OPCML: variants seen among roughly 807,000 people sequenced by gnomAD.
OPCML encodes the protein opioid-binding protein/cell adhesion molecule.
In OPCML, 13 loss-of-function variants were observed where a neutral mutation model predicts 37.8. That is an observed-to-expected ratio of 0.34 (90% CI 0.22 to 0.55). The LOEUF is 0.55. Among genes scored for constraint, OPCML ranks in the 20% least tolerant of loss-of-function variants. The pLI is 0.91. For synonymous variants in OPCML, 176 were observed against 168.8 expected (o/e 1.04, Z -0.33); for missense variants, 341 against 435.6 (o/e 0.78, Z 1.93).
intron 3 of OPCML, among the ~76,000 whole-genome samples, chr11:132,530,774 T>C (rs1591513809): frequency 6.6e-6 from 1 of 152,082 alleles, no homozygotes; most frequent in East Asian, 1.9e-4. Flanking sequence ...TCAGGCCCTG[T>C]TTCCTCTAAC....
intron 1 of OPCML, among the ~76,000 whole-genome samples, chr11:133,461,914 T>C (rs979993873): frequency 6.6e-6 from 1 of 151,936 alleles, no homozygotes; most frequent in Non-Finnish European, 1.5e-5. Flanking sequence ...AACTGTGGAA[T>C]AGGCATAATG....
chr11:132,951,540 T>G (rs1945861496), intron 1 of OPCML, among the ~76,000 whole-genome samples: 2 of 152,218 alleles, frequency 1.3e-5, no homozygotes. Context: ...CATACGAATT[T>G]TGGGGGCCAT....
rs1405811672 is a variant in OPCML, at chr11:133,174,034, AG to A, written c.62-231025del. On this transcript the variant is annotated intron_variant, in intron 1 of 7. Coordinates refer to ENST00000524381, the MANE Select transcript of OPCML (RefSeq NM_001012393.5). The surrounding 1 kb of genome is among the most constrained non-coding windows in gnomAD (Gnocchi z 4.6). ...GATGAGCATGGAGAAACGGCCTGGC[AG>A]GCCCTGCACTGCGGCCATAAATCAG... Among the ~76,000 whole-genome samples, 1 of 152,258 alleles carries A rather than the reference AG, an allele frequency of 6.6e-6. No individual in the cohort carries two copies. The highest frequency in any genetic ancestry group is 1.9e-4 in the East Asian group (1 of 5,200).
chr11:133,061,620 G>C (rs1948342688), intron 1 of OPCML, among the ~76,000 whole-genome samples: 1 of 152,096 alleles, frequency 6.6e-6, no homozygotes, highest in South Asian at 2.1e-4. Context: ...GTCCTACCTA[G>C]TCTTACACTC....
intron 2 of OPCML, among the ~76,000 whole-genome samples, chr11:132,794,922 T>C (rs1431808268): frequency 6.9e-6 from 1 of 144,632 alleles, no homozygotes; most frequent in East Asian, 2.0e-4. Context: ...AAAGAAACTA[T>C]AAAAGATATG....
intron 3 of OPCML, among the ~76,000 whole-genome samples, chr11:132,563,603 G>A (rs746107296): frequency 2.6e-5 from 4 of 151,546 alleles, no homozygotes; most frequent in African/African-American, 9.7e-5. Flanking sequence ...TTAATTCTAT[G>A]TTATACAAAT....
chr11:133,322,047 T>C (rs1943342189), intron 1 of OPCML, among the ~76,000 whole-genome samples: 1 of 152,190 alleles, frequency 6.6e-6, no homozygotes, highest in Admixed American at 6.5e-5. Context: ...CCATCAACTT[T>C]CAATTATTCA....
intron 1 of OPCML, among the ~76,000 whole-genome samples, chr11:133,204,421 T>A (rs2136325599): frequency 6.6e-6 from 1 of 152,250 alleles, no homozygotes; most frequent in East Asian, 1.9e-4. Flanking sequence ...GTGGCATCCA[T>A]CAGGTCTTCA....
chr11:132,657,448 G>T, intron 2 of OPCML, 129 bp from the exon 3 acceptor site: 2 of 1,438,210 alleles, frequency 1.4e-6, no homozygotes, highest in South Asian at 3.0e-5. Context: ...AGTGCTAAAA[G>T]GAAACAATTA....
chr11:133,414,675 C>G (rs1197221917), intron 1 of OPCML, among the ~76,000 whole-genome samples: 1 of 152,166 alleles, frequency 6.6e-6, no homozygotes, highest in Non-Finnish European at 1.5e-5. Flanking sequence ...GCTTTGACAA[C>G]TCCCCATGAA....
intron 4 of OPCML, among the ~76,000 whole-genome samples, chr11:132,480,528 G>T (rs1034733793): frequency 1.3e-5 from 2 of 152,114 alleles, no homozygotes; most frequent in African/African-American, 4.8e-5. Context: ...ACACCACAAA[G>T]ATACTCCTTG....
intron 3 of OPCML, among the ~76,000 whole-genome samples, chr11:132,594,178 A>G (rs1156969707): frequency 1.3e-5 from 2 of 152,210 alleles, no homozygotes; most frequent in East Asian, 3.9e-4. Flanking sequence ...TGAGCTGAAG[A>G]TTCTTTACCC....
rs548966989 is a variant in OPCML at position 133,339,801 on chromosome 11, A to G, written c.61+192463T>C. The stretch of plus-strand genomic sequence containing the variant: ...AGACTATGAGTCATTTCAGAGAGAC[A>G]AAAGTGTAATTTTATTTTGTAGCCC... On this transcript the variant is annotated intron_variant, in intron 1 of 7. Transcript: ENST00000524381. Among the ~76,000 whole-genome samples the G allele has an allele frequency of 1.2e-4, 18 of 152,346 alleles. No homozygotes were observed. In the South Asian group the frequency reaches 3.3e-3, roughly 28 times the overall value.
intron 1 of OPCML, among the ~76,000 whole-genome samples, chr11:133,334,332 CA>C (rs1477238607): frequency 6.6e-6 from 1 of 152,156 alleles, no homozygotes; most frequent in Non-Finnish European, 1.5e-5. Context: ...AGAACAAGAT[CA>C]TGTCTTTTGC....
chr11:132,429,635 C>T (rs1424459562), intron 7 of OPCML, among the ~76,000 whole-genome samples: 1 of 152,130 alleles, frequency 6.6e-6, no homozygotes, highest in Non-Finnish European at 1.5e-5. Flanking sequence ...CAGGAGAGAA[C>T]TAAAGACACA....
chr11:132,598,017 A>G (rs982360099), intron 3 of OPCML, among the ~76,000 whole-genome samples: 9 of 152,054 alleles, frequency 5.9e-5, no homozygotes, highest in Middle Eastern at 3.2e-3. Context: ...AAAAGGTCAT[A>G]TCTTCCACGA....
intron 7 of OPCML, among the ~76,000 whole-genome samples, chr11:132,433,221 T>G (rs948893454): frequency 6.6e-6 from 1 of 152,200 alleles, no homozygotes; most frequent in Non-Finnish European, 1.5e-5. Context: ...CATGTCACAA[T>G]AAGTGTTGGC....
chr11:133,335,385 A>G (rs1301415892), intron 1 of OPCML, among the ~76,000 whole-genome samples: 2 of 152,156 alleles, frequency 1.3e-5, no homozygotes, highest in African/African-American at 4.8e-5. Flanking sequence ...AGTGGCCGGC[A>G]GATTGTCTTC....
intron 4 of OPCML, among the ~76,000 whole-genome samples, chr11:132,464,076 T>A (rs76709427): frequency 0.034 from 5,188 of 152,298 alleles, 260 homozygotes; most frequent in African/African-American, 0.12. Flanking sequence ...TGACTTTTTC[T>A]CTTGTTTCTG....
Sources: gnomAD v4.1 joint callset for allele counts (sites outside exome capture counted in the v4.1 genomes callset) on GRCh38, gnomAD v4.1.1 for gene constraint, Gnocchi (gnomAD v3.1) non-coding constraint, MANE v1.5 for transcripts, NCBI Gene and HGNC (gene_info 2026-07-23, HGNC 2026-07-21) for gene names.